The following CUX1 variants were observed in gnomAD, a reference collection of about 807,000 sequenced individuals.
CUX1 encodes the protein protein CASP.
A neutral mutation model predicts 158.8 loss-of-function variants in CUX1; 31 were observed. The ratio of observed to expected loss-of-function variants is 0.20; its 90% CI spans 0.15 to 0.26. The LOEUF (loss-of-function observed/expected upper bound fraction) is 0.26, where lower values mean the gene tolerates loss of function less well. Ranked by LOEUF, CUX1 falls within the 10% of genes least tolerant of loss-of-function variation. The pLI is 1.00. For synonymous variants in CUX1, 879 were observed against 862.1 expected (o/e 1.02, Z -0.34); for missense variants, 1,589 against 2,014.6 (o/e 0.79, Z 4.04).
intron 3 of CUX1, among the ~76,000 whole-genome samples, chr7:102,053,346 G>A (rs969702604): frequency 6.6e-6 from 1 of 152,060 alleles, no homozygotes; most frequent in African/African-American, 2.4e-5. Flanking sequence ...ATGGGGTGGA[G>A]CACATGAGAT....
intron 4 of CUX1, among the ~76,000 whole-genome samples, chr7:102,074,189 TTAATCCAG>T (rs1826448927): frequency 6.6e-6 from 1 of 152,220 alleles, no homozygotes; most frequent in Non-Finnish European, 1.5e-5. Context: ...ACTTCAGGCC[TTAATCCAG>T]TGGAATCCAG....
upstream of CUX1, chr7:101,817,145 G>C: frequency 6.1e-6 from 6 of 984,336 alleles, no homozygotes; most frequent in Non-Finnish European, 7.2e-6. The surrounding 1 kb of genome is among the most constrained non-coding windows in gnomAD (Gnocchi z 4.1). Flanking sequence ...CGCGGGAGGA[G>C]GAGGCTGCAA....
At chr7:102,175,139 G>A (rs1255485025) in intron 10 of CUX1, among the ~76,000 whole-genome samples, 1 of 152,206 alleles carries the variant, frequency 6.6e-6, no homozygotes, top group African/African-American at 2.4e-5. Context: ...CCGAGCTCTT[G>A]TGGCCATGCC....
intron 8 of CUX1, among the ~76,000 whole-genome samples, chr7:102,134,851 C>G (rs112983273): frequency 2.0e-5 from 3 of 152,178 alleles, no homozygotes; most frequent in African/African-American, 4.8e-5. Flanking sequence ...CCACCTCTCC[C>G]TCCCGAAGTT....
intron 1 of CUX1, among the ~76,000 whole-genome samples, chr7:101,836,758 G>T (rs1416648042): frequency 6.6e-6 from 1 of 151,728 alleles, no homozygotes; most frequent in South Asian, 2.1e-4. Context: ...CTTTGTTTTG[G>T]CTGGAGAAAC....
At chr7:101,818,452 G>C (rs1028895765) in intron 1 of CUX1, among the ~76,000 whole-genome samples, 2 of 152,116 alleles carry the variant, frequency 1.3e-5, no homozygotes, top group Non-Finnish European at 2.9e-5. Flanking sequence ...AATGGATTTG[G>C]TTTCTAGAGT....
intron 3 of CUX1, among the ~76,000 whole-genome samples, chr7:102,048,342 TCA>T (rs1823069615): frequency 6.6e-6 from 1 of 152,052 alleles, no homozygotes; most frequent in South Asian, 2.1e-4. Context: ...CCTGATGGGG[TCA>T]CACACTTGTC....
Position 102,176,281 on chromosome 7 carries a change from G to A in CUX1, c.829-2188G>A, listed in dbSNP as rs544454559. Among the ~76,000 whole-genome samples, 11 of 152,294 alleles carry A rather than the reference G, an allele frequency of 7.2e-5. No homozygotes were observed. The East Asian group carries it at 1.2e-3, about 16-fold the overall frequency. ...ATTTGAAAATCCGTGGTGAGCACAC[G>A]GTGCATGGGATGGCCCAGCTGTACC... On this transcript the variant is annotated intron_variant, in intron 10 of 23. Transcript: ENST00000292535.
At chr7:101,839,352 T>A (rs1794969796) in intron 1 of CUX1, among the ~76,000 whole-genome samples, 1 of 151,666 alleles carries the variant, frequency 6.6e-6, no homozygotes, top group Non-Finnish European at 1.5e-5. Context: ...CACACGTCCC[T>A]TACCAGTATC....
intron 1 of CUX1, among the ~76,000 whole-genome samples, chr7:101,888,389 TC>T (rs1198329278): frequency 6.6e-6 from 1 of 152,324 alleles, no homozygotes; most frequent in East Asian, 1.9e-4. Context: ...CTGTGCTTTA[TC>T]CCATTTAATT....
chr7:101,932,474 T>C (rs1175364893), intron 2 of CUX1: 1 of 420,570 alleles, frequency 2.4e-6, no homozygotes, highest in Non-Finnish European at 4.9e-6. Flanking sequence ...CGTGCATCGC[T>C]TACGAGCGCA....
intron 8 of CUX1, among the ~76,000 whole-genome samples, chr7:102,145,455 C>T (rs1478275051): frequency 2.0e-5 from 3 of 151,496 alleles, no homozygotes; most frequent in East Asian, 1.9e-4. Context: ...TGGAAGTGAG[C>T]GCTCACCAGA....
chr7:101,871,341 A>C, intron 1 of CUX1, among the ~76,000 whole-genome samples: 1 of 150,072 alleles, frequency 6.7e-6, no homozygotes. Flanking sequence ...TTTTGTTAAC[A>C]CCCATCATAG....
At chr7:101,827,908 G>A (rs1793534548) in intron 1 of CUX1, among the ~76,000 whole-genome samples, 1 of 151,748 alleles carries the variant, frequency 6.6e-6, no homozygotes, top group African/African-American at 2.4e-5. Context: ...TCAAGGTGGT[G>A]GAGATGGAAG....
intron 1 of CUX1, among the ~76,000 whole-genome samples, chr7:101,841,556 A>T: frequency 6.8e-6 from 1 of 147,326 alleles, no homozygotes; most frequent in Non-Finnish European, 1.5e-5. Flanking sequence ...CATTTTATTT[A>T]TTTATTTATT....
At chr7:102,136,392 CTT>C (rs376020876) in intron 8 of CUX1, among the ~76,000 whole-genome samples, 3 of 146,336 alleles carry the variant, frequency 2.1e-5, no homozygotes, top group Non-Finnish European at 1.5e-5. Context: ...ATTTTACCAA[CTT>C]TTTTTTTTTT....
At chr7:102,229,173 C>T (rs1482180188) in intron 21 of CUX1, among the ~76,000 whole-genome samples, 1 of 152,212 alleles carries the variant, frequency 6.6e-6, no homozygotes, top group Admixed American at 6.5e-5. Context: ...GGCATCCCAC[C>T]GTGCCTCAGA....
intron 2 of CUX1, among the ~76,000 whole-genome samples, chr7:102,014,712 A>G (rs1441374753): frequency 6.6e-6 from 1 of 152,078 alleles, no homozygotes; most frequent in East Asian, 1.9e-4. Context: ...TCTAGTTTCA[A>G]AGGTTTAAAT....
intron 2 of CUX1, among the ~76,000 whole-genome samples, chr7:101,991,814 T>C (rs1585199085): frequency 1.3e-5 from 2 of 149,940 alleles, no homozygotes; most frequent in Non-Finnish European, 3.0e-5. Context: ...ACACCTATAG[T>C]CCCAGCCACT....
Sources: allele counts gnomAD v4.1 joint callset (sites outside exome capture counted in the v4.1 genomes callset), GRCh38; gene constraint gnomAD v4.1.1; non-coding constraint Gnocchi (gnomAD v3.1); transcripts MANE v1.5; gene names NCBI Gene and HGNC (gene_info 2026-07-23, HGNC 2026-07-21).